MAGI2: variants seen among roughly 807,000 people sequenced by gnomAD.
MAGI2 encodes the protein membrane associated guanylate kinase, WW and PDZ domain containing 2.
MAGI2 carries 35 observed loss-of-function variants against 133.3 expected under a neutral mutation model. The observed-to-expected ratio is 0.26, with a 90% CI of 0.20 to 0.35. The LOEUF (loss-of-function observed/expected upper bound fraction) is 0.35, where lower values mean the gene tolerates loss of function less well. MAGI2 is among the 10% of genes least tolerant of loss of function. The pLI, the probability that MAGI2 is intolerant of heterozygous loss-of-function variation, is 1.00. For synonymous variants in MAGI2, 729 were observed against 710.6 expected (o/e 1.03, Z -0.41); for missense variants, 1,636 against 1,863.4 (o/e 0.88, Z 2.25).
chr7:78,421,752 C>T (rs541552385), intron 6 of MAGI2, among the ~76,000 whole-genome samples: 2 of 151,920 alleles, frequency 1.3e-5, no homozygotes, highest in African/African-American at 2.4e-5. Flanking sequence ...TGCAGTGGGC[C>T]GTGATAGTGC....
intron 5 of MAGI2, among the ~76,000 whole-genome samples, chr7:78,495,298 C>T (rs749563888): frequency 2.0e-5 from 3 of 152,032 alleles, no homozygotes; most frequent in Non-Finnish European, 2.9e-5. Context: ...GTGTGTGATG[C>T]TCCCCTCCCT....
At chr7:78,029,812 T>C (rs765385441) in intron 21 of MAGI2, among the ~76,000 whole-genome samples, 1 of 152,306 alleles carries the variant, frequency 6.6e-6, no homozygotes, top group Non-Finnish European at 1.5e-5. Context: ...AGCCTGTGTT[T>C]TTAAGTATTG....
intron 1 of MAGI2, among the ~76,000 whole-genome samples, chr7:79,313,869 C>T (rs914853715): frequency 6.6e-6 from 1 of 150,608 alleles, no homozygotes; most frequent in Non-Finnish European, 1.5e-5. Context: ...GTGGCCCTAT[C>T]TCAGTTAACT....
At chr7:78,752,887 G>A (rs1047825219) in intron 2 of MAGI2, among the ~76,000 whole-genome samples, 1 of 152,206 alleles carries the variant, frequency 6.6e-6, no homozygotes, top group African/African-American at 2.4e-5. Context: ...TGTCTATGCA[G>A]AGTCCAGGCA....
intron 3 of MAGI2, among the ~76,000 whole-genome samples, chr7:78,559,238 G>GTTT (rs375030951): frequency 7.8e-6 from 1 of 128,364 alleles, no homozygotes; most frequent in African/African-American, 2.8e-5. Context: ...TTCCTTTCAG[G>GTTT]TTTTTTTTTT....
intron 1 of MAGI2, among the ~76,000 whole-genome samples, chr7:79,139,271 T>C (rs1354215808): frequency 6.6e-6 from 1 of 152,252 alleles, no homozygotes; most frequent in Non-Finnish European, 1.5e-5. Flanking sequence ...CTAAAAGGGT[T>C]AATCTAATAG....
intron 2 of MAGI2, among the ~76,000 whole-genome samples, chr7:78,870,174 A>T (rs1441196046): frequency 6.6e-6 from 1 of 151,750 alleles, no homozygotes; most frequent in African/African-American, 2.4e-5. Flanking sequence ...ACATGGCAAA[A>T]CTCCATCTCA....
At chr7:79,321,085 A>G (rs997208694) in intron 1 of MAGI2, among the ~76,000 whole-genome samples, 1 of 152,132 alleles carries the variant, frequency 6.6e-6, no homozygotes, top group African/African-American at 2.4e-5. Flanking sequence ...TTGGATAACA[A>G]TATGCAGTAC....
At chr7:78,428,601 GA>G (rs1457755335) in intron 6 of MAGI2, among the ~76,000 whole-genome samples, 12 of 152,082 alleles carry the variant, frequency 7.9e-5, no homozygotes, top group Non-Finnish European at 1.8e-4. Context: ...CCTCATCCCG[GA>G]ATACCTGCAA....
At chr7:78,604,928 C>G (rs532220951) in intron 3 of MAGI2, among the ~76,000 whole-genome samples, 32 of 152,204 alleles carry the variant, frequency 2.1e-4, no homozygotes, top group African/African-American at 7.7e-4. Context: ...TGTAATACCC[C>G]CATACATCCC....
intron 1 of MAGI2, among the ~76,000 whole-genome samples, chr7:79,291,187 C>CT (rs979511448): frequency 7.2e-5 from 11 of 151,934 alleles, no homozygotes; most frequent in African/African-American, 2.7e-4. Context: ...TCTTTTGTGT[C>CT]TTTTTTTCAT....
chr7:79,041,298 T>C (rs1352707794), intron 1 of MAGI2, among the ~76,000 whole-genome samples: 2 of 152,192 alleles, frequency 1.3e-5, no homozygotes, highest in African/African-American at 4.8e-5. Flanking sequence ...TTTGGAATCT[T>C]TTCTGAAATA....
At chr7:78,109,062 T>C (rs1274265256) in intron 20 of MAGI2, among the ~76,000 whole-genome samples, 3 of 151,598 alleles carry the variant, frequency 2.0e-5, no homozygotes, top group Admixed American at 2.0e-4. Flanking sequence ...CCCAGCACTT[T>C]GGGAGGCCGA....
intron 3 of MAGI2, among the ~76,000 whole-genome samples, chr7:78,589,679 A>G (rs1459377020): frequency 6.6e-6 from 1 of 152,228 alleles, no homozygotes; most frequent in East Asian, 1.9e-4. Context: ...ACCAGGTGTG[A>G]TCTAAATTGC....
At chr7:78,544,158 T>C (rs147695317) in intron 3 of MAGI2, among the ~76,000 whole-genome samples, 3 of 152,346 alleles carry the variant, frequency 2.0e-5, no homozygotes, top group South Asian at 2.1e-4. Flanking sequence ...CCAAAGGTCA[T>C]TGGCTCCAAT....
At chr7:79,018,314 G>A (rs1808942021) in intron 1 of MAGI2, among the ~76,000 whole-genome samples, 1 of 152,074 alleles carries the variant, frequency 6.6e-6, no homozygotes, top group Non-Finnish European at 1.5e-5. Context: ...CGAAGTGAAG[G>A]AGAAATAAAA....
chr7:78,856,851 C>T (rs749874641), intron 2 of MAGI2, among the ~76,000 whole-genome samples: 1 of 152,138 alleles, frequency 6.6e-6, no homozygotes, highest in Non-Finnish European at 1.5e-5. Context: ...GCAGTGTGGC[C>T]ATTTTCACAA....
At chr7:79,133,414 T>C (rs1246614385) in intron 1 of MAGI2, among the ~76,000 whole-genome samples, 1 of 152,188 alleles carries the variant, frequency 6.6e-6, no homozygotes, top group Non-Finnish European at 1.5e-5. Flanking sequence ...GTGTGTCCTT[T>C]CCCTAATTTA....
chr7:78,119,092 A>T (rs1027095496), intron 20 of MAGI2, among the ~76,000 whole-genome samples: 4 of 152,234 alleles, frequency 2.6e-5, no homozygotes, highest in South Asian at 2.1e-4. Context: ...CAACTATATG[A>T]CATGGTGGAA....
Sources: allele counts gnomAD v4.1 joint callset (sites outside exome capture counted in the v4.1 genomes callset), GRCh38; gene constraint gnomAD v4.1.1; transcripts MANE v1.5; gene names NCBI Gene and HGNC (gene_info 2026-07-23, HGNC 2026-07-21).